Variants in USH2A observed in about 807,000 individuals in gnomAD.
USH2A encodes the protein Usher syndrome 2A (autosomal recessive, mild).
A neutral mutation model predicts 538.9 loss-of-function variants in USH2A; 443 were observed. That is an observed-to-expected ratio of 0.82 (90% CI 0.76 to 0.89). The LOEUF is 0.89. Ranked by LOEUF, USH2A falls within the 40% of genes least tolerant of loss-of-function variation. The pLI, the probability that USH2A is intolerant of heterozygous loss-of-function variation, is 0.00. For missense variants in USH2A, 6,633 were observed against 6,324.8 expected (o/e 1.05, Z -1.65); for synonymous variants, 2,413 against 2,273.5 (o/e 1.06, Z -1.75).
intron 21 of USH2A, among the ~76,000 whole-genome samples, chr1:216,145,042 T>C (rs1183137559): frequency 6.6e-6 from 1 of 152,180 alleles, no homozygotes; most frequent in East Asian, 1.9e-4. Flanking sequence ...AATGTTTTCC[T>C]GTTTCTCACC....
intron 4 of USH2A, among the ~76,000 whole-genome samples, chr1:216,346,117 T>A (rs2038171462): frequency 6.6e-6 from 1 of 152,138 alleles, no homozygotes; most frequent in Admixed American, 6.6e-5. Flanking sequence ...TGAATTTTCC[T>A]TTCTCTGAAC....
At chr1:216,336,620 A>G (rs981655073) in intron 4 of USH2A, among the ~76,000 whole-genome samples, 77 of 151,650 alleles carry the variant, frequency 5.1e-4, no homozygotes, top group African/African-American at 1.8e-3. Flanking sequence ...AAAATCATAC[A>G]CAGTCCACTG....
intron 44 of USH2A, among the ~76,000 whole-genome samples, chr1:215,861,822 T>C (rs1164756684): frequency 2.0e-5 from 3 of 149,322 alleles, no homozygotes; most frequent in Non-Finnish European, 4.4e-5. Context: ...TGCCATGCAA[T>C]AGTTAGTAGT....
intron 3 of USH2A, among the ~76,000 whole-genome samples, chr1:216,378,790 G>A (rs558039153): frequency 2.0e-5 from 3 of 151,548 alleles, no homozygotes; most frequent in Non-Finnish European, 4.4e-5. Context: ...TCTACTAATA[G>A]AACAAAGCCC....
intron 21 of USH2A, among the ~76,000 whole-genome samples, chr1:216,150,600 C>A (rs1255751284): frequency 6.6e-6 from 1 of 152,158 alleles, no homozygotes; most frequent in Non-Finnish European, 1.5e-5. Context: ...ACAGCCCTCA[C>A]CTTTACCCTC....
In USH2A at chr1:215,671,954, T is replaced by C. The variant is rs184215532; in HGVS notation, c.13812-661A>G. Among the ~76,000 whole-genome samples, 4 of 152,232 alleles carry C rather than the reference T, an allele frequency of 2.6e-5. No individual in the cohort carries two copies. In the East Asian group the frequency reaches 5.8e-4, roughly 22 times the overall value. On this transcript the variant is annotated intron_variant, in intron 63 of 71. Transcript: ENST00000307340. The stretch of plus-strand genomic sequence containing the variant: ...ACAGCTTAAAACAGCCTCCCTTACA[T>C]GATACAAAGACCTTGCGGGGCCAAA...
chr1:215,704,871 A>C (rs1416793196), intron 61 of USH2A, among the ~76,000 whole-genome samples: 1 of 152,102 alleles, frequency 6.6e-6, no homozygotes, highest in Non-Finnish European at 1.5e-5. Context: ...TGTTTATGGC[A>C]TTTTTATATT....
At chr1:215,952,059 T>A (rs1571841153) in intron 37 of USH2A, among the ~76,000 whole-genome samples, 1 of 149,980 alleles carries the variant, frequency 6.7e-6, no homozygotes, top group Admixed American at 6.7e-5. Flanking sequence ...AGAGACGGGG[T>A]TTCACCTTGT....
chr1:216,135,134 ACTCT>A (rs10560983), intron 21 of USH2A, among the ~76,000 whole-genome samples: 33,822 of 120,468 alleles, frequency 0.28, 5,427 homozygotes, highest in East Asian at 0.55. Context: ...GGAGCCTGAA[ACTCT>A]CTCTCTCTCT....
intron 63 of USH2A, among the ~76,000 whole-genome samples, chr1:215,673,768 G>C (rs967793551): frequency 3.9e-5 from 6 of 152,086 alleles, no homozygotes; most frequent in Non-Finnish European, 1.5e-5. Flanking sequence ...GACCCTATCG[G>C]GGCTGTCAGA....
At chr1:215,690,229 G>A (rs1276381106) in intron 61 of USH2A, among the ~76,000 whole-genome samples, 3 of 152,166 alleles carry the variant, frequency 2.0e-5, no homozygotes, top group Non-Finnish European at 2.9e-5. Flanking sequence ...GCCCCACAGA[G>A]ATGGTAGCTA....
At chr1:215,977,734 A>G (rs1391662729) in intron 35 of USH2A, among the ~76,000 whole-genome samples, 1 of 152,122 alleles carries the variant, frequency 6.6e-6, no homozygotes, top group Admixed American at 6.6e-5. Flanking sequence ...GCTAGTCTCG[A>G]ACTCCTGACC....
chr1:216,411,900 A>G (rs190078526), intron 3 of USH2A, among the ~76,000 whole-genome samples: 9 of 152,284 alleles, frequency 5.9e-5, no homozygotes, highest in Non-Finnish European at 1.0e-4. Flanking sequence ...ACTAATACAC[A>G]TATTCAATAA....
chr1:215,852,350 G>C (rs1217771787), intron 44 of USH2A, among the ~76,000 whole-genome samples: 1 of 152,084 alleles, frequency 6.6e-6, no homozygotes, highest in East Asian at 1.9e-4. Context: ...GCATGGAAAA[G>C]ACCCGCCCCC....
Position 215,845,889 on chromosome 1 carries a change from A to G in USH2A, c.8990T>C (p.Ile2997Thr), listed in dbSNP as rs1663829506. 2 of 1,613,930 alleles carry G rather than the reference A, an allele frequency of 1.2e-6. No individual in the cohort carries two copies. Among genetic ancestry groups the G allele is most frequent in the Non-Finnish European group, 8.5e-7 (1 of 1,179,926 alleles). Residue 2997 changes from isoleucine (I) to threonine (T), a missense_variant, in exon 45 of 72, where the codon ATC becomes ACC. Transcript: ENST00000307340. ...GCTGTGGACTCCATTGAAGACAGAG[A>G]TAAAGATCCAATACTCTGTGTTTGG... ...LKPNTEYWIF[I>T]SVFNGVHSIN... is the part of the protein sequence containing the mutation.
intron 4 of USH2A, among the ~76,000 whole-genome samples, chr1:216,355,355 GA>G (rs1231714159): frequency 2.0e-5 from 3 of 149,252 alleles, no homozygotes; most frequent in Non-Finnish European, 4.5e-5. Flanking sequence ...AAGAAAGAAA[GA>G]AAGAAAGAAA....
chr1:215,658,026 C>A (rs1571936293), intron 64 of USH2A, among the ~76,000 whole-genome samples: 1 of 150,976 alleles, frequency 6.6e-6, no homozygotes, highest in East Asian at 2.0e-4. Flanking sequence ...CTCCGCCTCC[C>A]AGGTTCACAC....
chr1:216,217,440 C>T lies in USH2A; in HGVS notation c.3104G>A (p.Cys1035Tyr). Residue 1035 changes from cysteine (C) to tyrosine (Y), a missense_variant, in exon 15 of 72, where the codon TGT becomes TAT. Coordinates refer to ENST00000307340, the MANE Select transcript of USH2A (RefSeq NM_206933.4). ...ATCCAAGTGGCTTGCACTGGGAACA[C>T]AAGCATCACACTTTGAGCCAGTGAC... ...QFVTGSKCDACVPSASHLDVN... is the reference protein window; with the variant it reads ...QFVTGSKCDAYVPSASHLDVN... 1 of 1,613,276 alleles carries T rather than the reference C, an allele frequency of 6.2e-7. No homozygotes were observed. Among genetic ancestry groups the T allele is most frequent in the Non-Finnish European group, 8.5e-7 (1 of 1,179,514 alleles).
At chr1:216,325,091 G>A (rs1359473405) in intron 6 of USH2A, among the ~76,000 whole-genome samples, 1 of 152,138 alleles carries the variant, frequency 6.6e-6, no homozygotes, top group African/African-American at 2.4e-5. Context: ...CACAAGCCAA[G>A]TAACACCAAG....
Sources: gnomAD v4.1 joint callset for allele counts (sites outside exome capture counted in the v4.1 genomes callset) on GRCh38, gnomAD v4.1.1 for gene constraint, MANE v1.5 for transcripts, NCBI Gene and HGNC (gene_info 2026-07-23, HGNC 2026-07-21) for gene names.